Variants in FOXP2 observed in about 807,000 individuals in gnomAD.
FOXP2 encodes forkhead box P2.
A neutral mutation model predicts 115.8 loss-of-function variants in FOXP2; 12 were observed. That is an observed-to-expected ratio of 0.10 (90% confidence interval 0.07 to 0.17). The LOEUF (loss-of-function observed/expected upper bound fraction) is 0.17, where lower values mean the gene tolerates loss of function less well. FOXP2 is among the 10% of genes least tolerant of loss of function. The probability of loss-of-function intolerance (pLI) is 1.00; values close to 1 mark genes in which losing one functional copy is unlikely to be tolerated. For missense variants in FOXP2, 629 were observed against 843.5 expected (o/e 0.75, Z 3.15); for synonymous variants, 328 against 297.7 (o/e 1.10, Z -1.05).
chr7:114,654,178 T>C, intron 10 of FOXP2, 169 bp downstream of exon 10: 2 of 1,462,454 alleles, frequency 1.4e-6, no homozygotes, highest in South Asian at 1.3e-5. Flanking sequence ...TTTAAAGTAA[T>C]GCTATCTTTT....
At chr7:114,589,392 A>G (rs1004865323) in intron 3 of FOXP2, among the ~76,000 whole-genome samples, 1 of 152,136 alleles carries the variant, frequency 6.6e-6, no homozygotes, top group African/African-American at 2.4e-5. Flanking sequence ...ATGTGTTGGT[A>G]GACAAGTAGA....
At position 114,494,158 on chromosome 7, in the gene FOXP2, T is replaced by G. The variant is rs184844612; in HGVS notation, c.169-40459T>G. On this transcript the variant is annotated intron_variant, in intron 2 of 16. Transcript: ENST00000350908. ...GATGTTGCAATAACAAAGTAAAGTT[T>G]AAGACATTTTGCCCAAAGTGATAAA... Among the ~76,000 whole-genome samples the G allele has an allele frequency of 5.7e-3, 861 of 152,234 alleles. 9 individuals are homozygous for G. The highest frequency in any genetic ancestry group is 0.02 in the African/African-American group (822 of 41,550).
chr7:114,328,936 A>G (rs1797627977), intron 2 of FOXP2, among the ~76,000 whole-genome samples: 2 of 152,208 alleles, frequency 1.3e-5, no homozygotes, highest in Admixed American at 1.3e-4. Flanking sequence ...TTAGTACATT[A>G]TGCTGATGAC....
chr7:114,643,304 A>G (rs1805685587), intron 7 of FOXP2, among the ~76,000 whole-genome samples: 1 of 152,182 alleles, frequency 6.6e-6, no homozygotes, highest in African/African-American at 2.4e-5. Flanking sequence ...TTTAATTTCA[A>G]ATAATTAAAG....
At chr7:114,189,034 A>G (rs570077881) in intron 1 of FOXP2, among the ~76,000 whole-genome samples, 10 of 152,292 alleles carry the variant, frequency 6.6e-5, no homozygotes, top group African/African-American at 2.4e-4. Context: ...ATGAAAAGTA[A>G]TAGTTCATTA....
At chr7:114,657,860 T>C (rs1806669815) in intron 10 of FOXP2, among the ~76,000 whole-genome samples, 1 of 152,132 alleles carries the variant, frequency 6.6e-6, no homozygotes, top group African/African-American at 2.4e-5. Flanking sequence ...TGCAGTAGAT[T>C]ATTAGATAAC....
intron 2 of FOXP2, among the ~76,000 whole-genome samples, chr7:114,527,552 C>T (rs1041796409): frequency 2.0e-5 from 3 of 152,074 alleles, no homozygotes; most frequent in Non-Finnish European, 4.4e-5. Flanking sequence ...TCACCTATGT[C>T]TTACTTTTGG....
At chr7:114,614,869 C>A (rs924159044) in intron 3 of FOXP2, among the ~76,000 whole-genome samples, 3 of 152,004 alleles carry the variant, frequency 2.0e-5, no homozygotes, top group African/African-American at 7.2e-5. Context: ...TCGGCAGCAC[C>A]CCTCTAACTG....
At chr7:114,351,455 G>C (rs1791488059) in intron 2 of FOXP2, among the ~76,000 whole-genome samples, 1 of 152,026 alleles carries the variant, frequency 6.6e-6, no homozygotes, top group African/African-American at 2.4e-5. Context: ...AAGCACATTG[G>C]TGCTTTATAA....
chr7:114,644,543 A>C, intron 7 of FOXP2, 142 bp from the exon 8 acceptor site: 1 of 700,942 alleles, frequency 1.4e-6, no homozygotes, highest in East Asian at 2.7e-5. Context: ...ATTCAATAGA[A>C]CGATTAAATT....
intron 2 of FOXP2, among the ~76,000 whole-genome samples, chr7:114,438,064 AT>A (rs1794432113): frequency 6.6e-6 from 1 of 152,192 alleles, no homozygotes; most frequent in South Asian, 2.1e-4. Flanking sequence ...ATTTGAAACC[AT>A]TTCACCTGTT....
chr7:114,535,428 A>G (rs1038657610), intron 3 of FOXP2, among the ~76,000 whole-genome samples: 56 of 151,758 alleles, frequency 3.7e-4, no homozygotes, highest in African/African-American at 1.3e-3. Flanking sequence ...AGTGTTCACC[A>G]GCTCTGTTGA....
chr7:114,474,546 T>A (rs1282513032), intron 2 of FOXP2, among the ~76,000 whole-genome samples: 4 of 152,162 alleles, frequency 2.6e-5, no homozygotes, highest in Non-Finnish European at 5.9e-5. Flanking sequence ...TTTTATTGAT[T>A]TTAAATAAAC....
chr7:114,389,363 A>G lies in FOXP2; in HGVS notation c.-10-37139A>G, dbSNP rs188052851. 2.0e-5 allele frequency among the ~76,000 whole-genome samples: 3 copies of G among 152,310 alleles called. No individual in the cohort carries two copies. The East Asian group carries it at 5.8e-4, about 29-fold the overall frequency. The stretch of plus-strand genomic sequence containing the variant: ...TCTAGGTGAGGATTGGAACCCAAAC[A>G]TGTGAAAGTTACTGGGGCCTTAAAG... On this transcript the variant is annotated intron_variant, in intron 2 of 17. Coordinates refer to the FOXP2 transcript ENST00000634411.
chr7:114,231,471 G>A (rs1437917752), intron 1 of FOXP2, among the ~76,000 whole-genome samples: 1 of 152,126 alleles, frequency 6.6e-6, no homozygotes, highest in Non-Finnish European at 1.5e-5. Context: ...TTCAAAACGT[G>A]TTGTGAATAC....
rs1247865392 is a variant in FOXP2 at position 114,430,658 on chromosome 7, A to T, written c.168+3979A>T. Among the ~76,000 whole-genome samples the T allele has an allele frequency of 2.0e-5, 3 of 151,836 alleles. No homozygotes were observed. In the Admixed American group the frequency reaches 2.0e-4, roughly 10 times the overall value. ...TTCCTGTCTTTGGCATATTGGATTT[A>T]TTGTTCATTGTACTGTTGTTCAGAA... is the stretch of plus-strand genomic sequence containing the variant. On this transcript the variant is annotated intron_variant, in intron 2 of 16. Transcript: ENST00000350908.
intron 1 of FOXP2, among the ~76,000 whole-genome samples, chr7:114,157,647 A>G (rs1252885856): frequency 6.6e-6 from 1 of 152,104 alleles, no homozygotes; most frequent in East Asian, 1.9e-4. Flanking sequence ...TGCACTTGTA[A>G]GAAGAGGCAC....
intron 1 of FOXP2, among the ~76,000 whole-genome samples, chr7:114,247,033 T>C (rs1299030624): frequency 6.6e-6 from 1 of 152,226 alleles, no homozygotes; most frequent in Non-Finnish European, 1.5e-5. Flanking sequence ...TGGGAATCTT[T>C]GCATTTTGTT....
chr7:114,400,149 C>T (rs1792851774), intron 2 of FOXP2, among the ~76,000 whole-genome samples: 1 of 152,008 alleles, frequency 6.6e-6, no homozygotes, highest in African/African-American at 2.4e-5. Context: ...TGAGCCACTG[C>T]GCCTGGCCAG....
Sources: gnomAD v4.1 joint callset for allele counts (sites outside exome capture counted in the v4.1 genomes callset) on GRCh38, gnomAD v4.1.1 for gene constraint, MANE v1.5 for transcripts, NCBI Gene and HGNC (gene_info 2026-07-23, HGNC 2026-07-21) for gene names.